The following GBP4 variants were observed in gnomAD, a reference collection of about 807,000 sequenced individuals.
The protein encoded by GBP4 is guanylate binding protein 4.
GBP4 carries 69 observed loss-of-function variants against 62.2 expected under a neutral mutation model. That is an observed-to-expected ratio of 1.11 (90% CI 0.91 to 1.36). The LOEUF is 1.36. GBP4 is among the 40% of genes most tolerant of loss of function. The probability of loss-of-function intolerance (pLI) is 0.00; values close to 1 mark genes in which losing one functional copy is unlikely to be tolerated. For missense variants in GBP4, 697 were observed against 759.3 expected (o/e 0.92, Z 0.96); for synonymous variants, 278 against 274.6 (o/e 1.01, Z -0.12).
chr1:89,196,742 T>C (rs1015514136), intron 2 of GBP4, among the ~76,000 whole-genome samples: 1 of 152,224 alleles, frequency 6.6e-6, no homozygotes, highest in African/African-American at 2.4e-5. Context: ...TCCTTCTTCA[T>C]ATTTATTTTT....
chr1:89,198,705 C>CCTCCAA (rs1648414011), intron 1 of GBP4, 90 bp downstream of exon 1: 2 of 1,137,184 alleles, frequency 1.8e-6, no homozygotes, highest in African/African-American at 1.5e-5. Flanking sequence ...AGTCTCCAAC[C>CCTCCAA]CTCCCCGTGT....
chr1:89,197,245 C>T lies in GBP4; in HGVS notation c.100G>A (p.Glu34Lys), dbSNP rs143237823. The T allele has an allele frequency of 6.9e-5, 111 of 1,614,066 alleles. 1 individual carries two copies. The highest frequency in any genetic ancestry group is 8.6e-5 in the Non-Finnish European group (101 of 1,180,034). The stretch of plus-strand genomic sequence containing the variant: ...GCCTTTGAATTCACTGTCAGCTGCT[C>T]TTCCTGGTTTTCCACTAGACAAATG... ...APICLVENQE[E>K]QLTVNSKALE... Residue 34 changes from glutamate (E) to lysine (K), a missense_variant, in exon 2 of 11, where the codon GAG becomes AAG. Glu to Lys is a moderately conservative substitution (Grantham distance 56). Transcript: ENST00000355754.
intron 10 of GBP4, 75 bp from the exon 11 acceptor site, chr1:89,185,544 T>G: frequency 1.3e-6 from 1 of 772,270 alleles, no homozygotes; most frequent in East Asian, 2.4e-5. Flanking sequence ...TTTAACTAAT[T>G]CAACGTTTAA....
Position 89,193,451 on chromosome 1 carries a change from C to CTTCA in GBP4, c.364-43_364-40dup, listed in dbSNP as rs10699048. On this transcript the variant is annotated intron_variant, in intron 3 of 10. Coordinates refer to ENST00000355754, the MANE Select transcript of GBP4 (RefSeq NM_052941.5). The stretch of plus-strand genomic sequence containing the variant: ...AAAGCAAAAGACTTAGGAGTATTCT[C>CTTCA]TTCATTCATTCATTCATTCATTTGG... 21,779 of 1,491,592 alleles carry CTTCA rather than the reference C, an allele frequency of 0.015. 2,563 individuals carry two copies. The African/African-American group carries it at 0.26, about 18-fold the overall frequency. The allele number at this position is 1,491,592 out of a possible 1,614,324, so 92.4% of individuals were successfully genotyped here.
rs1647876283 is a variant in GBP4, at chr1:89,181,433, TTCAGGCCATCTGGACGTATGTACA to T, written c.*3797_*3820del. 6.6e-6 allele frequency: 1 copy of T among 152,372 alleles called. No homozygotes were observed. Among genetic ancestry groups the T allele is most frequent in the African/African-American group, 2.4e-5 (1 of 41,430 alleles). The allele number at this position is 152,372 out of a possible 1,614,324, so 9.4% of individuals were successfully genotyped here. A position where few individuals can be genotyped will look rare whatever the true frequency, so the allele number is the denominator to read the frequency against. The stretch of plus-strand genomic sequence containing the variant: ...ACTTCTTTTGTGATTCTTCACTTGC[TTCAGGCCATCTGGACGTATGTACA>T]TGCAGGTCACAGGGGATATGATGGC... On this transcript the variant is annotated 3_prime_UTR_variant, in exon 11 of 11. Transcript: ENST00000355754.
chr1:89,191,533 A>G lies in GBP4; in HGVS notation c.671-27T>C, dbSNP rs376750287. 5.1e-5 allele frequency: 81 copies of G among 1,602,196 alleles called. 1 individual carries two copies. In the East Asian group the frequency reaches 9.0e-4, roughly 18 times the overall value. The stretch of plus-strand genomic sequence containing the variant: ...TGTGGAATTGTAAAAAAGAGGGCTC[A>G]TTGAAGAGACAGCCTGCAGGCAAGG... On this transcript the variant is annotated intron_variant, in intron 5 of 10. Transcript: ENST00000355754.
Position 89,187,791 on chromosome 1 carries a change from T to C in GBP4, c.1411-689A>G, listed in dbSNP as rs534992559. On this transcript the variant is annotated intron_variant, in intron 8 of 10. Coordinates refer to ENST00000355754, the MANE Select transcript of GBP4 (RefSeq NM_052941.5). ...AAATCAAAACCACAGTGACATTTTA[T>C]CTCACACATTTTAGAATGATAATTA... Among the ~76,000 whole-genome samples the C allele has an allele frequency of 5.5e-4, 84 of 152,324 alleles. 1 individual carries two copies. In the South Asian group the frequency reaches 0.017, roughly 31 times the overall value.
intron 5 of GBP4, among the ~76,000 whole-genome samples, chr1:89,191,885 T>C (rs1272153404): frequency 2.0e-5 from 3 of 152,190 alleles, no homozygotes; most frequent in African/African-American, 4.8e-5. Context: ...AAGTGAAACA[T>C]GGGCCCTAAA....
rs977825724 is a variant in GBP4, at chr1:89,184,105, T to C, written c.*1149A>G. 3 of 152,174 alleles carry C rather than the reference T, an allele frequency of 2.0e-5. No individual in the cohort carries two copies. The highest frequency in any genetic ancestry group is 4.4e-5 in the Non-Finnish European group (3 of 68,022). The allele number at this position is 152,174 out of a possible 1,614,324, so 9.4% of individuals were successfully genotyped here. A position where few individuals can be genotyped will look rare whatever the true frequency, so the allele number is the denominator to read the frequency against. Reference sequence around the variant, plus strand: ...AAGACATATATGCATTTAAAAAGCATATAAAAATCACTCATCATCACTAAT... The same window carrying C: ...AAGACATATATGCATTTAAAAAGCACATAAAAATCACTCATCATCACTAAT... On this transcript the variant is annotated 3_prime_UTR_variant, in exon 11 of 11. Coordinates refer to ENST00000355754, the MANE Select transcript of GBP4 (RefSeq NM_052941.5).
At chr1:89,191,590 C>A in intron 5 of GBP4, 84 bp from the exon 6 acceptor site, 1 of 1,305,528 alleles carries the variant, frequency 7.7e-7, no homozygotes, top group Non-Finnish European at 1.1e-6. Context: ...ATCTTTGCAT[C>A]CCTGCAGCTC....
At position 89,197,316 on chromosome 1, in the gene GBP4, A is replaced by G. The variant is rs1446976377; in HGVS notation, c.41-12T>C. On this transcript the variant is annotated splice_polypyrimidine_tract_variant and intron_variant, in intron 1 of 10. Transcript: ENST00000355754. ...AGATTCTGGATAACCTGTAACCCAGAAAAAAATACTCAGTAGAATACAAGA... is the reference window on the plus strand; with the variant it reads ...AGATTCTGGATAACCTGTAACCCAGGAAAAAATACTCAGTAGAATACAAGA... The G allele has an allele frequency of 6.2e-7, 1 of 1,607,680 alleles. No individual in the cohort carries two copies. The highest frequency in any genetic ancestry group is 8.5e-7 in the Non-Finnish European group (1 of 1,176,178).
At chr1:89,193,855 C>T (rs1351568013) in intron 3 of GBP4, among the ~76,000 whole-genome samples, 3 of 152,126 alleles carry the variant, frequency 2.0e-5, no homozygotes, top group Non-Finnish European at 2.9e-5. Context: ...AAGAAGATGG[C>T]TTTCTGGTGC....
rs780981978 is a variant in GBP4 at position 89,191,550 on chromosome 1, C to T, written c.671-44G>A. 2.8e-5 allele frequency: 45 copies of T among 1,592,632 alleles called. No homozygotes were observed. In the South Asian group the frequency reaches 3.3e-4, roughly 12 times the overall value. The stretch of plus-strand genomic sequence containing the variant: ...GAGGGCTCATTGAAGAGACAGCCTG[C>T]AGGCAAGGGGGCTGAGGACTTTTCC... On this transcript the variant is annotated intron_variant, in intron 5 of 10. Coordinates refer to ENST00000355754, the MANE Select transcript of GBP4 (RefSeq NM_052941.5).
rs1329181703 is a variant in GBP4, at chr1:89,188,708, A to G, written c.1284T>C (p.Leu428=). The change falls in exon 8 of 11, where the codon CTT becomes CTC. Residue 428 remains leucine, a synonymous_variant. Transcript: ENST00000355754. The part of the protein sequence containing the change: ...AKYCQAELKR[L]SEHLTESILR... Reference sequence around the variant, plus strand: ...AAATGCTTTCTGTCAGGTGCTCTGAAAGCCGCTTAAGCTCAGCCTGGCAAT... The same window carrying G: ...AAATGCTTTCTGTCAGGTGCTCTGAGAGCCGCTTAAGCTCAGCCTGGCAAT... 3.1e-6 allele frequency: 5 copies of G among 1,614,124 alleles called. No individual in the cohort carries two copies. Among genetic ancestry groups the G allele is most frequent in the Admixed American group, 1.7e-5 (1 of 60,014 alleles).
rs556911105 is a variant in GBP4, at chr1:89,185,548, C to A, written c.1708-79G>T. 4 of 745,200 alleles carry A rather than the reference C, an allele frequency of 5.4e-6. No homozygotes were observed. In the East Asian group the frequency reaches 9.8e-5, roughly 18 times the overall value. 46.2% of individuals were successfully genotyped at this position (745,200 alleles called of 1,614,324 possible). On this transcript the variant is annotated intron_variant, in intron 10 of 10. Coordinates refer to ENST00000355754, the MANE Select transcript of GBP4 (RefSeq NM_052941.5). ...AGAGTTTTGTATTTAACTAATTCAA[C>A]GTTTAAGCATATGTGTCTATTTCTC...
chr1:89,190,215 C>T lies in GBP4; in HGVS notation c.1020G>A (p.Ala340=), dbSNP rs780647917. ...AGTGGTCGGCTGCCCTCTGCACAGC[C>T]GCTGGGTTCTCAAGCTGGGCCAGTG... ...VTALAQLENP[A]AVQRAADHYS... Residue 340 remains alanine, a synonymous_variant, in exon 7 of 11, where the codon GCG becomes GCA. Transcript: ENST00000355754. 24 of 1,614,030 alleles carry T rather than the reference C, an allele frequency of 1.5e-5. No homozygotes were observed. The highest frequency in any genetic ancestry group is 6.7e-5 in the East Asian group (3 of 44,884).
intron 5 of GBP4, 79 bp from the exon 6 acceptor site, chr1:89,191,585 T>G: frequency 7.3e-7 from 1 of 1,366,108 alleles, no homozygotes. Context: ...CAGGGATCTT[T>G]GCATCCCTGC....
intron 10 of GBP4, 66 bp downstream of exon 10, chr1:89,186,267 G>A (rs1314876388): frequency 1.5e-6 from 2 of 1,367,582 alleles, no homozygotes; most frequent in African/African-American, 2.9e-5. Flanking sequence ...TAAAATTTTG[G>A]TCCTTCCTTT....
intron 1 of GBP4, among the ~76,000 whole-genome samples, chr1:89,198,118 A>C (rs1447821924): frequency 1.6e-4 from 24 of 152,178 alleles, no homozygotes; most frequent in Admixed American, 1.6e-3. Context: ...TACTAGGTGC[A>C]GGGGCTTTAA....
Sources: allele counts gnomAD v4.1 joint callset (sites outside exome capture counted in the v4.1 genomes callset), GRCh38; gene constraint gnomAD v4.1.1; transcripts MANE v1.5; gene names NCBI Gene and HGNC (gene_info 2026-07-23, HGNC 2026-07-21).